ARHGEF6: variants seen among roughly 807,000 people sequenced by gnomAD.
ARHGEF6 encodes Rac/Cdc42 guanine nucleotide exchange factor 6.
In ARHGEF6, 9 loss-of-function variants were observed where a neutral mutation model predicts 70.3. The observed-to-expected ratio is 0.13, with a 90% CI of 0.08 to 0.22. The LOEUF is 0.22. Among genes scored for constraint, ARHGEF6 ranks in the 10% least tolerant of loss-of-function variants. The probability of loss-of-function intolerance (pLI) is 1.00; values close to 1 mark genes in which losing one functional copy is unlikely to be tolerated. For synonymous variants in ARHGEF6, 201 were observed against 207.8 expected (o/e 0.97, Z 0.28); for missense variants, 470 against 563.0 (o/e 0.83, Z 1.67).
intron 6 of ARHGEF6, among the ~76,000 whole-genome samples, chrX:136,725,334 G>A (rs1361896288): frequency 3.7e-5 from 4 of 108,780 alleles, no homozygotes; most frequent in Non-Finnish European, 5.7e-5. Context: ...AATGACAAAA[G>A]TGGTTAATAA....
At chrX:136,772,804 C>T (rs1450711836) in intron 2 of ARHGEF6, among the ~76,000 whole-genome samples, 2 of 111,780 alleles carry the variant, frequency 1.8e-5, no homozygotes, top group Non-Finnish European at 3.8e-5. Context: ...CCAAAGTTGC[C>T]GTGAGCCAAG....
At chrX:136,753,643 TAAG>T (rs1378379371) in intron 2 of ARHGEF6, among the ~76,000 whole-genome samples, 1 of 111,384 alleles carries the variant, frequency 9.0e-6, no homozygotes, top group Non-Finnish European at 1.9e-5. Context: ...AATGAAGCAC[TAAG>T]AAGATTAAAT....
intron 2 of ARHGEF6, among the ~76,000 whole-genome samples, chrX:136,758,369 T>C (rs2077233003): frequency 9.0e-6 from 1 of 110,728 alleles, no homozygotes. Context: ...AATTATTTTT[T>C]TTTTAAGAAT....
intron 2 of ARHGEF6, among the ~76,000 whole-genome samples, chrX:136,764,371 A>G (rs896020947): frequency 8.9e-6 from 1 of 112,145 alleles, no homozygotes; most frequent in African/African-American, 3.2e-5. Context: ...ACTGGAAACA[A>G]TGTAGATGTC....
chrX:136,718,250 G>A (rs879137346), intron 6 of ARHGEF6, among the ~76,000 whole-genome samples: 2 of 111,411 alleles, frequency 1.8e-5, no homozygotes, highest in Admixed American at 9.5e-5. Context: ...ATTAGAGCAC[G>A]AAAAATTATC....
chrX:136,765,447 T>C (rs1382949173), intron 2 of ARHGEF6, among the ~76,000 whole-genome samples: 1 of 111,980 alleles, frequency 8.9e-6, no homozygotes, highest in Non-Finnish European at 1.9e-5. Context: ...CAGCACCTGC[T>C]CTCCCTGAAT....
intron 9 of ARHGEF6, among the ~76,000 whole-genome samples, chrX:136,705,022 G>C (rs898860338): frequency 7.2e-5 from 8 of 111,759 alleles, no homozygotes; most frequent in African/African-American, 2.6e-4. Flanking sequence ...TGTTGTTGCT[G>C]TTGTTGTTTT....
intron 11 of ARHGEF6, among the ~76,000 whole-genome samples, chrX:136,686,597 T>TATATATATATATATATATATACAC (rs1569393664): frequency 3.2e-5 from 2 of 62,480 alleles, no homozygotes; most frequent in African/African-American, 1.0e-4. Context: ...TGTGTGTGTA[T>TATATATATATATATATATATACAC]ATATATATAT....
intron 5 of ARHGEF6, among the ~76,000 whole-genome samples, chrX:136,742,829 C>T (rs1031912534): frequency 2.7e-5 from 3 of 110,425 alleles, no homozygotes; most frequent in Non-Finnish European, 5.7e-5. Flanking sequence ...TAAACATTAG[C>T]TGGGTGTGGA....
intron 8 of ARHGEF6, among the ~76,000 whole-genome samples, chrX:136,708,066 A>G (rs765843896): frequency 8.9e-6 from 1 of 112,192 alleles, no homozygotes; most frequent in South Asian, 3.7e-4. Context: ...CAAATCTGTG[A>G]AACTGAATGA....
chrX:136,756,919 A>T (rs1465327609), intron 2 of ARHGEF6, among the ~76,000 whole-genome samples: 11 of 112,229 alleles, frequency 9.8e-5, no homozygotes, highest in Admixed American at 1.9e-4. Flanking sequence ...CAATCCAAAC[A>T]CTGTTAGGTG....
intron 5 of ARHGEF6, among the ~76,000 whole-genome samples, chrX:136,732,825 T>C (rs1465129736): frequency 2.7e-5 from 3 of 111,482 alleles, no homozygotes; most frequent in Non-Finnish European, 1.9e-5. Context: ...TTATGATGGG[T>C]TTATCAGTAT....
At chrX:136,729,182 G>A (rs1211109566) in intron 6 of ARHGEF6, among the ~76,000 whole-genome samples, 1 of 106,196 alleles carries the variant, frequency 9.4e-6, no homozygotes, top group African/African-American at 3.4e-5. Flanking sequence ...ATAAGAACAG[G>A]TCTGGCTGGG....
chrX:136,737,526 T>G, intron 5 of ARHGEF6: 1 of 741,560 alleles, frequency 1.3e-6, no homozygotes, highest in Non-Finnish European at 1.6e-6. Flanking sequence ...AAAGACAAAT[T>G]TTCCTAAGCT....
rs1603333290 is a variant in ARHGEF6, at chrX:136,679,563, C to A, written c.1802G>T (p.Arg601Ile). The A allele has an allele frequency of 8.3e-7, 1 of 1,211,584 alleles. No homozygotes were observed. Among genetic ancestry groups the A allele is most frequent in the Non-Finnish European group, 1.1e-6 (1 of 895,239 alleles). Reference sequence around the variant, plus strand: ...TTTATAACCTAGTGCTGCTGATGGTCTAAGTGGAGGTGCAGGTCGTAGACA... The same window carrying A: ...TTTATAACCTAGTGCTGCTGATGGTATAAGTGGAGGTGCAGGTCGTAGACA... ...LSCLRPAPPL[R>I]PSAALGYKER... The change falls in exon 16 of 22, where the codon AGA (arginine) becomes ATA (isoleucine). Residue 601 changes from arginine to isoleucine, a missense_variant. Coordinates refer to ENST00000250617, the MANE Select transcript of ARHGEF6 (RefSeq NM_004840.3).
rs1027350328 is a variant in ARHGEF6 at position 136,743,891 on chromosome X, C to T, written c.460-105G>A. 1.3e-5 allele frequency: 10 copies of T among 744,356 alleles called. No homozygotes were observed. The African/African-American group carries it at 2.1e-4, about 16-fold the overall frequency. The allele number at this position is 744,356 out of a possible 1,213,427, so 61.3% of individuals were successfully genotyped here. A position where few individuals can be genotyped will look rare whatever the true frequency, so the allele number is the denominator to read the frequency against. On this transcript the variant is annotated intron_variant, in intron 4 of 21. Transcript: ENST00000250617. ...AAAGTGGAGGAAGCAAAGACAAAAC[C>T]CCAGATCCATCTCAGTCCTGAGTTT...
chrX:136,709,592 T>G (rs1441067209), intron 7 of ARHGEF6, among the ~76,000 whole-genome samples: 1 of 112,890 alleles, frequency 8.9e-6, no homozygotes, highest in Non-Finnish European at 1.9e-5. Context: ...AGACAGAAAT[T>G]GAACCAAAAC....
intron 2 of ARHGEF6, among the ~76,000 whole-genome samples, chrX:136,757,512 T>C (rs369937743): frequency 1.8e-5 from 2 of 112,286 alleles, no homozygotes; most frequent in African/African-American, 6.5e-5. Flanking sequence ...CAGAATCTTC[T>C]TTCTTCACTG....
At chrX:136,696,225 G>T (rs2076508388) in intron 9 of ARHGEF6, among the ~76,000 whole-genome samples, 1 of 111,274 alleles carries the variant, frequency 9.0e-6, no homozygotes, top group African/African-American at 3.3e-5. Context: ...GGGCACAGAA[G>T]GACAGAAAAG....
Sources: gnomAD v4.1 joint callset for allele counts (sites outside exome capture counted in the v4.1 genomes callset) on GRCh38, gnomAD v4.1.1 for gene constraint, MANE v1.5 for transcripts, NCBI Gene and HGNC (gene_info 2026-07-23, HGNC 2026-07-21) for gene names.